FREM2: variants seen among roughly 807,000 people sequenced by gnomAD.
The protein encoded by FREM2 is FRAS1-related extracellular matrix protein 2.
FREM2 carries 119 observed loss-of-function variants against 219.9 expected under a neutral mutation model. The observed-to-expected ratio is 0.54, with a 90% CI of 0.47 to 0.63. The LOEUF is 0.63. Among genes scored for constraint, FREM2 ranks in the 30% least tolerant of loss-of-function variants. The pLI is 0.00. For synonymous variants in FREM2, 1,562 were observed against 1,522.8 expected (o/e 1.03, Z -0.60); for missense variants, 4,030 against 3,993.6 (o/e 1.01, Z -0.25).
In FREM2 at chr13:38,688,571, A is replaced by G; in HGVS notation, c.1227A>G (p.Glu409=). 1 of 1,613,570 alleles carries G rather than the reference A, an allele frequency of 6.2e-7. No homozygotes were observed. Among genetic ancestry groups the G allele is most frequent in the Non-Finnish European group, 8.5e-7 (1 of 1,179,654 alleles). ...SEDSDQERLF[E]LELEVVDLEG... The stretch of plus-strand genomic sequence containing the variant: ...ACTCTGACCAGGAGCGCCTCTTTGA[A>G]CTGGAATTGGAGGTAGTGGATCTAG... Residue 409 remains glutamate, a synonymous_variant, in exon 1 of 24, where the codon GAA becomes GAG. Transcript: ENST00000280481.
intron 2 of FREM2, 57 bp downstream of exon 2, chr13:38,697,844 T>C (rs974994372): frequency 1.2e-5 from 11 of 945,678 alleles, no homozygotes; most frequent in African/African-American, 1.6e-5. Context: ...TCTTGGTTGC[T>C]CTCTGATGAC....
At chr13:38,754,063 G>C (rs762851316) in intron 2 of FREM2, among the ~76,000 whole-genome samples, 4 of 151,962 alleles carry the variant, frequency 2.6e-5, no homozygotes, top group African/African-American at 4.8e-5. Context: ...GCTCAGGCTT[G>C]CAGATTCCCA....
intron 16 of FREM2, among the ~76,000 whole-genome samples, chr13:38,871,824 T>C (rs1280952959): frequency 6.6e-6 from 1 of 152,142 alleles, no homozygotes; most frequent in East Asian, 1.9e-4. Context: ...ATATAAATAT[T>C]AGTTTATCCT....
Position 38,793,982 on chromosome 13 carries a change from G to T in FREM2, c.6019+9174G>T, listed in dbSNP as rs536764134. Among the ~76,000 whole-genome samples, 4 of 44,072 alleles carry T rather than the reference G, an allele frequency of 9.1e-5. No homozygotes were observed. In the South Asian group the frequency reaches 2.0e-3, roughly 22 times the overall value. The allele number at this position is 44,072 out of a possible 152,430, so 28.9% of individuals were successfully genotyped here. A position where few individuals can be genotyped will look rare whatever the true frequency, so the allele number is the denominator to read the frequency against. ...GAATTTATTTAAGGCATGCTAGTACGAAAGAAATGCCTGCTTGACTTCAAA... is the reference window on the plus strand; with the variant it reads ...GAATTTATTTAAGGCATGCTAGTACTAAAGAAATGCCTGCTTGACTTCAAA... On this transcript the variant is annotated intron_variant, in intron 6 of 23. Coordinates refer to ENST00000280481, the MANE Select transcript of FREM2 (RefSeq NM_207361.6).
chr13:38,827,667 G>C (rs1386909779), intron 6 of FREM2: 2 of 152,084 alleles, frequency 1.3e-5, no homozygotes, highest in African/African-American at 4.8e-5. Context: ...CTTGATAGCA[G>C]TAACTGTTAA....
intron 1 of FREM2, among the ~76,000 whole-genome samples, chr13:38,694,445 T>C (rs1041027919): frequency 6.6e-6 from 1 of 152,234 alleles, no homozygotes; most frequent in African/African-American, 2.4e-5. Flanking sequence ...ATTAGATAAG[T>C]GATTTAAAAA....
At chr13:38,850,288 C>A in intron 9 of FREM2, 53 bp downstream of exon 9, 1 of 1,413,302 alleles carries the variant, frequency 7.1e-7, no homozygotes, top group Non-Finnish European at 1.0e-6. Context: ...CGAATTTTTA[C>A]TCAGAAATAT....
At chr13:38,710,796 A>G (rs972457947) in intron 2 of FREM2, among the ~76,000 whole-genome samples, 6 of 152,256 alleles carry the variant, frequency 3.9e-5, no homozygotes, top group African/African-American at 1.4e-4. Flanking sequence ...AGAAAAATCT[A>G]AAGAAAAACA....
chr13:38,823,400 A>G (rs368113243), intron 6 of FREM2, among the ~76,000 whole-genome samples: 1 of 151,382 alleles, frequency 6.6e-6, no homozygotes, highest in Non-Finnish European at 1.5e-5. Flanking sequence ...CACTGAGCAC[A>G]CCTCTCACCT....
chr13:38,747,159 G>A lies in FREM2; in HGVS notation c.5264-17145G>A, dbSNP rs1364882637. On this transcript the variant is annotated intron_variant, in intron 2 of 23. Transcript: ENST00000280481. Reference sequence around the variant, plus strand: ...GGAGGCGAGAGAGTAAGAAACAGAAGAAATATAGATCTTCCCCACAGTCTC... The same window carrying A: ...GGAGGCGAGAGAGTAAGAAACAGAAAAAATATAGATCTTCCCCACAGTCTC... 2.0e-5 allele frequency among the ~76,000 whole-genome samples: 3 copies of A among 152,030 alleles called. No homozygotes were observed. The East Asian group carries it at 5.8e-4, about 29-fold the overall frequency.
At chr13:38,741,961 A>G (rs1320361658) in intron 2 of FREM2, among the ~76,000 whole-genome samples, 2 of 152,142 alleles carry the variant, frequency 1.3e-5, no homozygotes, top group East Asian at 1.9e-4. Context: ...AAAAAAATAC[A>G]TGTTGAGCAG....
At chr13:38,845,332 T>G (rs1196752916) in intron 6 of FREM2, among the ~76,000 whole-genome samples, 1 of 152,212 alleles carries the variant, frequency 6.6e-6, no homozygotes, top group Non-Finnish European at 1.5e-5. Context: ...CTTAATTTGG[T>G]ATGTGTGGGA....
At chr13:38,827,818 GGTAGAGTTGAACCT>G (rs1268155856) in intron 6 of FREM2, among the ~76,000 whole-genome samples, 8 of 152,206 alleles carry the variant, frequency 5.3e-5, no homozygotes, top group African/African-American at 1.9e-4. Context: ...ATAGACAGTT[GGTAGAGTTGAACCT>G]GTTAAAGAGT....
Position 38,880,737 on chromosome 13 carries a change from G to A in FREM2, c.9460G>A (p.Glu3154Lys), listed in dbSNP as rs763216538. The A allele has an allele frequency of 7.4e-6, 12 of 1,614,202 alleles. No homozygotes were observed. The highest frequency in any genetic ancestry group is 1.0e-5 in the Non-Finnish European group (12 of 1,180,044). ...TGCCCCGAAAGGCTCCAGCAGCAGTGAGCCCATGGTGCCCCCACAGAGCCA... is the reference window on the plus strand; with the variant it reads ...TGCCCCGAAAGGCTCCAGCAGCAGTAAGCCCATGGTGCCCCCACAGAGCCA... ...KDAPKGSSSS[E>K]PMVPPQSHHN... The change falls in exon 24 of 24, where the codon GAG (glutamate) becomes AAG (lysine). Residue 3154 changes from glutamate (E) to lysine (K), a missense_variant. Coordinates refer to ENST00000280481, the MANE Select transcript of FREM2 (RefSeq NM_207361.6).
intron 16 of FREM2, among the ~76,000 whole-genome samples, chr13:38,866,513 A>G (rs1229345337): frequency 1.3e-5 from 2 of 151,492 alleles, no homozygotes; most frequent in African/African-American, 4.9e-5. Flanking sequence ...ATAAAATAAA[A>G]TAAAATTAGC....
rs756500658 is a variant in FREM2 at position 38,856,172 on chromosome 13, A to G, written c.6972A>G (p.Glu2324=). 6.2e-7 allele frequency: 1 copy of G among 1,612,256 alleles called. No homozygotes were observed. Among genetic ancestry groups the G allele is most frequent in the Non-Finnish European group, 8.5e-7 (1 of 1,178,412 alleles). ...EGETQHVVEI[E]VTFDGVREMR... is the part of the protein sequence containing the mutation. Reference sequence around the variant, plus strand: ...AAACCCAGCACGTGGTTGAAATCGAAGTTACCTTTGACGGGGTGAGAGAGA... The same window carrying G: ...AAACCCAGCACGTGGTTGAAATCGAGGTTACCTTTGACGGGGTGAGAGAGA... Residue 2324 remains glutamate, a synonymous_variant, in exon 12 of 24, where the codon GAA becomes GAG. Transcript: ENST00000280481.
chr13:38,777,245 G>A (rs1040681774), intron 4 of FREM2, among the ~76,000 whole-genome samples: 1 of 151,960 alleles, frequency 6.6e-6, no homozygotes, highest in African/African-American at 2.4e-5. Context: ...TTCTAACTTC[G>A]TTTTTTCTGA....
intron 2 of FREM2, among the ~76,000 whole-genome samples, chr13:38,746,528 A>G (rs1244398389): frequency 6.6e-6 from 1 of 152,210 alleles, no homozygotes; most frequent in Admixed American, 6.5e-5. Context: ...AAGTTACCTA[A>G]GAGGAATGGT....
chr13:38,865,139 T>A (rs140614302), intron 16 of FREM2, among the ~76,000 whole-genome samples: 3 of 152,214 alleles, frequency 2.0e-5, no homozygotes, highest in African/African-American at 7.2e-5. Flanking sequence ...TCTTCTTCGC[T>A]TTTTGATTCA....
Sources: allele counts gnomAD v4.1 joint callset (sites outside exome capture counted in the v4.1 genomes callset), GRCh38; gene constraint gnomAD v4.1.1; transcripts MANE v1.5; gene names NCBI Gene and HGNC (gene_info 2026-07-23, HGNC 2026-07-21).